The following SCMH1 variants were observed in gnomAD, a reference collection of about 807,000 sequenced individuals.
SCMH1 encodes Scm polycomb group protein homolog 1.
Under a neutral mutation model 70.8 loss-of-function variants are expected in SCMH1, and 37 were observed. That is an observed-to-expected ratio of 0.52 (90% CI 0.40 to 0.69). The LOEUF is 0.69. Among genes scored for constraint, SCMH1 ranks in the 30% least tolerant of loss-of-function variants. The pLI is 0.00. For synonymous variants in SCMH1, 292 were observed against 307.4 expected, an observed-to-expected ratio of 0.95 and a Z score of 0.52; for missense variants, 607 against 827.3, an observed-to-expected ratio of 0.73 and a Z score of 3.27.
intron 1 of SCMH1, among the ~76,000 whole-genome samples, chr1:41,208,061 T>C (rs1655995811): frequency 9.0e-6 from 1 of 111,696 alleles, no homozygotes; most frequent in Admixed American, 1.0e-4. Context: ...ATTAAGAAAA[T>C]GTGGCACATA....
chr1:41,130,652 A>C (rs1557581911), intron 6 of SCMH1, among the ~76,000 whole-genome samples: 1 of 152,190 alleles, frequency 6.6e-6, no homozygotes, highest in Non-Finnish European at 1.5e-5. Flanking sequence ...CACACCATAA[A>C]ATTTACTCTT....
intron 5 of SCMH1, among the ~76,000 whole-genome samples, chr1:41,145,799 C>T (rs935422708): frequency 1.3e-5 from 2 of 152,030 alleles, no homozygotes; most frequent in Non-Finnish European, 2.9e-5. Context: ...GTCTTAAGGT[C>T]CTAGAGCAAC....
chr1:41,094,229 G>A (rs905926287), intron 8 of SCMH1, among the ~76,000 whole-genome samples: 1 of 152,148 alleles, frequency 6.6e-6, no homozygotes, highest in East Asian at 1.9e-4. Context: ...GCTTATGCCC[G>A]AGTTGCTTTT....
intron 1 of SCMH1, among the ~76,000 whole-genome samples, chr1:41,195,475 G>T (rs1322053267): frequency 6.6e-6 from 1 of 151,654 alleles, no homozygotes; most frequent in Non-Finnish European, 1.5e-5. Flanking sequence ...AAGGCACATG[G>T]TAATGTCAAT....
intron 2 of SCMH1, among the ~76,000 whole-genome samples, chr1:41,161,900 A>C (rs1646065337): frequency 6.6e-6 from 1 of 152,228 alleles, no homozygotes; most frequent in Admixed American, 6.5e-5. Context: ...GTACCGCAGA[A>C]TGTAACTGTA....
At chr1:41,213,883 C>T (rs2148813490) in intron 1 of SCMH1, among the ~76,000 whole-genome samples, 1 of 142,052 alleles carries the variant, frequency 7.0e-6, no homozygotes, top group African/African-American at 2.5e-5. Context: ...TAATTGCTTA[C>T]ATTTTTTTTT....
intron 8 of SCMH1, among the ~76,000 whole-genome samples, chr1:41,084,039 G>A (rs947401804): frequency 6.6e-6 from 1 of 152,090 alleles, no homozygotes; most frequent in Non-Finnish European, 1.5e-5. Context: ...GAAATCCTAG[G>A]CATTACCATT....
intron 11 of SCMH1, among the ~76,000 whole-genome samples, chr1:41,047,164 T>C (rs958674907): frequency 5.3e-5 from 8 of 152,200 alleles, no homozygotes; most frequent in African/African-American, 1.7e-4. Context: ...CCTGTGTATT[T>C]GTCTCTGAGG....
At chr1:41,038,489 C>T (rs999006302) in intron 12 of SCMH1, among the ~76,000 whole-genome samples, 1 of 152,110 alleles carries the variant, frequency 6.6e-6, no homozygotes, top group African/African-American at 2.4e-5. Context: ...GGGATTCATT[C>T]GGAGCCTCTG....
chr1:41,224,626 C>T (rs546692530), intron 1 of SCMH1, among the ~76,000 whole-genome samples: 1 of 152,290 alleles, frequency 6.6e-6, no homozygotes, highest in Non-Finnish European at 1.5e-5. Flanking sequence ...ATTCTCACAA[C>T]AAACCCAATG....
chr1:41,080,852 T>C (rs775858846), intron 8 of SCMH1, among the ~76,000 whole-genome samples: 19 of 152,164 alleles, frequency 1.2e-4, no homozygotes, highest in Admixed American at 3.3e-4. Flanking sequence ...TATTGAATTA[T>C]GGGATAAAAC....
At position 41,196,857 on chromosome 1, in the gene SCMH1, A is replaced by G. The variant is rs181994862; in HGVS notation, c.-117-10607T>C. ...ACCCCTATAATTCAACAACAAGAAGAACTAAAAACCTAAACAACCCAATTC... is the reference window on the plus strand; with the variant it reads ...ACCCCTATAATTCAACAACAAGAAGGACTAAAAACCTAAACAACCCAATTC... On this transcript the variant is annotated intron_variant, in intron 1 of 14. Coordinates refer to ENST00000337495, the Ensembl canonical transcript of SCMH1. Among the ~76,000 whole-genome samples the G allele has an allele frequency of 1.9e-3, 289 of 152,252 alleles. 1 individual carries two copies. The highest frequency in any genetic ancestry group is 1.6e-3 in the Non-Finnish European group (107 of 67,984).
intron 1 of SCMH1, among the ~76,000 whole-genome samples, chr1:41,241,580 C>A (rs1663552591): frequency 6.6e-6 from 1 of 152,272 alleles, no homozygotes; most frequent in Non-Finnish European, 1.5e-5. Context: ...CACAGGCATT[C>A]CCACCTCTGG....
chr1:41,043,947 C>T (rs962266290), intron 12 of SCMH1: 3 of 151,984 alleles, frequency 2.0e-5, no homozygotes, highest in Admixed American at 1.3e-4. Flanking sequence ...GAGAAACAGA[C>T]GAAGTAAATA....
At chr1:41,033,006 A>G (rs1207628793) in intron 13 of SCMH1, among the ~76,000 whole-genome samples, 1 of 150,050 alleles carries the variant, frequency 6.7e-6, no homozygotes, top group Admixed American at 6.6e-5. Flanking sequence ...GACAGAGGCT[A>G]TTAGGCCAGG....
intron 8 of SCMH1, among the ~76,000 whole-genome samples, chr1:41,089,945 C>A (rs1234469970): frequency 6.6e-6 from 1 of 151,856 alleles, no homozygotes. Flanking sequence ...GCATGTGCCA[C>A]CATGCCTGGC....
At chr1:41,039,633 ATTT>A (rs367832952) in intron 12 of SCMH1, among the ~76,000 whole-genome samples, 9 of 146,506 alleles carry the variant, frequency 6.1e-5, no homozygotes, top group Non-Finnish European at 1.1e-4. Context: ...TGCCCCACTG[ATTT>A]TTTTTTTTTG....
chr1:41,111,612 A>T (rs1669263952), intron 8 of SCMH1, among the ~76,000 whole-genome samples: 1 of 152,186 alleles, frequency 6.6e-6, no homozygotes, highest in Non-Finnish European at 1.5e-5. Context: ...AAGTGCTGGG[A>T]TTACAGATGT....
intron 1 of SCMH1, among the ~76,000 whole-genome samples, chr1:41,225,079 G>T (rs113842995): frequency 7.9e-5 from 12 of 152,112 alleles, no homozygotes; most frequent in Admixed American, 2.0e-4. Context: ...CAAAACAAGG[G>T]TGCTATTTAA....
Sources: gnomAD v4.1 joint callset for allele counts (sites outside exome capture counted in the v4.1 genomes callset) on GRCh38, gnomAD v4.1.1 for gene constraint, MANE v1.5 for transcripts, NCBI Gene and HGNC (gene_info 2026-07-23, HGNC 2026-07-21) for gene names.